Variants in EBF1 observed in about 807,000 individuals in gnomAD.
The protein encoded by EBF1 is EBF transcription factor 1.
Under a neutral mutation model 68.4 loss-of-function variants are expected in EBF1, and 10 were observed. The ratio of observed to expected loss-of-function variants is 0.15; its 90% confidence interval spans 0.09 to 0.25. EBF1 has a LOEUF of 0.25. Ranked by LOEUF, EBF1 falls within the 10% of genes least tolerant of loss-of-function variation. The probability of loss-of-function intolerance (pLI) is 1.00; values close to 1 mark genes in which losing one functional copy is unlikely to be tolerated. For missense variants in EBF1, 509 were observed against 794.4 expected (o/e 0.64, Z 4.32); for synonymous variants, 298 against 299.8 (o/e 0.99, Z 0.06).
rs1185972061 is a variant in EBF1 at position 158,714,021 on chromosome 5, CT to C, written c.1191+95del. ...TTATACTCTTAACTCATGCACATGGCTTTTATATTGTTTGTGCTTTCTCATT... is the reference window on the plus strand; with the variant it reads ...TTATACTCTTAACTCATGCACATGGCTTTATATTGTTTGTGCTTTCTCATT... On this transcript the variant is annotated intron_variant, in intron 12 of 15. Coordinates refer to ENST00000313708, the MANE Select transcript of EBF1 (RefSeq NM_024007.5). The C allele has an allele frequency of 3.8e-6, 5 of 1,321,270 alleles. No homozygotes were observed. The Admixed American group carries it at 5.2e-5, about 14-fold the overall frequency. The allele number at this position is 1,321,270 out of a possible 1,614,324, so 81.8% of individuals were successfully genotyped here. A position where few individuals can be genotyped will look rare whatever the true frequency, so the allele number is the denominator to read the frequency against.
At chr5:158,847,407 T>C (rs1210295802) in intron 6 of EBF1, among the ~76,000 whole-genome samples, 2 of 152,044 alleles carry the variant, frequency 1.3e-5, no homozygotes, top group Non-Finnish European at 2.9e-5. Flanking sequence ...CAGTTGCCAA[T>C]GGGGAAAGAA....
intron 14 of EBF1, among the ~76,000 whole-genome samples, chr5:158,711,187 A>G (rs1367283575): frequency 6.6e-6 from 1 of 152,222 alleles, no homozygotes. Flanking sequence ...TACACCAAAC[A>G]CAAACAAAGG....
chr5:158,781,565 C>A (rs1408299499), intron 9 of EBF1, among the ~76,000 whole-genome samples: 1 of 152,156 alleles, frequency 6.6e-6, no homozygotes, highest in East Asian at 1.9e-4. Context: ...CTAAATTTAT[C>A]ATCTTACTAC....
intron 6 of EBF1, among the ~76,000 whole-genome samples, chr5:158,869,300 C>T (rs965085112): frequency 1.1e-4 from 16 of 152,094 alleles, no homozygotes; most frequent in African/African-American, 3.9e-4. Flanking sequence ...GGGAATAGAA[C>T]AATTTGCATA....
intron 6 of EBF1, among the ~76,000 whole-genome samples, chr5:158,993,882 A>T (rs1033039547): frequency 6.6e-6 from 1 of 152,238 alleles, no homozygotes; most frequent in Non-Finnish European, 1.5e-5. Context: ...ATTCCAGTCC[A>T]ACTGGGGAGG....
chr5:158,858,763 A>T (rs1031274888), intron 6 of EBF1, among the ~76,000 whole-genome samples: 1 of 152,250 alleles, frequency 6.6e-6, no homozygotes, highest in African/African-American at 2.4e-5. Context: ...ACATCAAGGC[A>T]GCCTGCTCCA....
At chr5:158,824,465 T>A (rs1785577530) in intron 7 of EBF1, among the ~76,000 whole-genome samples, 1 of 152,248 alleles carries the variant, frequency 6.6e-6, no homozygotes, top group Non-Finnish European at 1.5e-5. Flanking sequence ...AGATCTGCTC[T>A]CATAATGAGG....
chr5:158,792,588 G>C (rs556167868), intron 9 of EBF1, among the ~76,000 whole-genome samples: 1 of 152,204 alleles, frequency 6.6e-6, no homozygotes, highest in South Asian at 2.1e-4. Context: ...CCTGCTTCCT[G>C]GGTGTGTTGG....
intron 6 of EBF1, among the ~76,000 whole-genome samples, chr5:159,019,441 G>A (rs114486433): frequency 0.019 from 2,949 of 152,244 alleles, 45 homozygotes; most frequent in Non-Finnish European, 0.031. Flanking sequence ...TGAAAAATAA[G>A]TAATAATTTA....
chr5:158,912,463 G>A lies in EBF1; in HGVS notation c.555-72353C>T, dbSNP rs562791871. Among the ~76,000 whole-genome samples the A allele has an allele frequency of 1.0e-3, 153 of 152,192 alleles. 1 individual carries two copies. The highest frequency in any genetic ancestry group is 1.6e-3 in the Non-Finnish European group (109 of 68,012). ...AGAGCACTTAACATACGGTGTACCC[G>A]TCCCTTCTAAATTTGCTGGATCATA... On this transcript the variant is annotated intron_variant, in intron 6 of 15. Coordinates refer to ENST00000313708, the MANE Select transcript of EBF1 (RefSeq NM_024007.5).
chr5:158,698,916 A>C lies in EBF1; in HGVS notation c.*195T>G, dbSNP rs923155118. 14 of 470,284 alleles carry C rather than the reference A, an allele frequency of 3.0e-5. No homozygotes were observed. Among genetic ancestry groups the C allele is most frequent in the Non-Finnish European group, 4.2e-5 (11 of 265,030 alleles). 29.1% of individuals were successfully genotyped at this position (470,284 alleles called of 1,614,324 possible). A position where few individuals can be genotyped will look rare whatever the true frequency, so the allele number is the denominator to read the frequency against. ...CTTGGGAGGTACAACTTTAACCAAC[A>C]CCCTGCACTTGCAGATCCCTCTTCC... On this transcript the variant is annotated 3_prime_UTR_variant, in exon 16 of 16. Transcript: ENST00000313708.
chr5:158,819,727 C>G (rs367824129), intron 8 of EBF1, among the ~76,000 whole-genome samples: 1 of 152,146 alleles, frequency 6.6e-6, no homozygotes, highest in East Asian at 1.9e-4. Context: ...TTTGAGGCTG[C>G]CTGTCTCCAC....
intron 14 of EBF1, among the ~76,000 whole-genome samples, chr5:158,709,016 G>A (rs559190129): frequency 8.3e-4 from 127 of 152,270 alleles, no homozygotes; most frequent in African/African-American, 2.7e-3. Flanking sequence ...CTCGGTAGAC[G>A]TACATTCTCT....
intron 6 of EBF1, among the ~76,000 whole-genome samples, chr5:158,906,883 G>C (rs1365892630): frequency 2.6e-5 from 4 of 152,210 alleles, no homozygotes; most frequent in Admixed American, 2.6e-4. Context: ...TTGTTGACCA[G>C]GGAGATAAGA....
At chr5:158,912,947 C>A (rs1003647076) in intron 6 of EBF1, among the ~76,000 whole-genome samples, 1 of 152,208 alleles carries the variant, frequency 6.6e-6, no homozygotes, top group African/African-American at 2.4e-5. Flanking sequence ...AGGATGCCTG[C>A]CTATCCAGGA....
rs1561791964 is a variant in EBF1 at position 158,739,532 on chromosome 5, G to GT, written c.1037-8376dup. On this transcript the variant is annotated intron_variant, in intron 10 of 15. Transcript: ENST00000313708. ...ACCTTTCAATCTTTTTCATTTGGGT[G>GT]TTTTTTTAATTTGGATCATTCACGA... Among the ~76,000 whole-genome samples, 3 of 152,168 alleles carry GT rather than the reference G, an allele frequency of 2.0e-5. No individual in the cohort carries two copies. In the South Asian group the frequency reaches 6.2e-4, roughly 32 times the overall value.
intron 15 of EBF1, among the ~76,000 whole-genome samples, chr5:158,706,343 C>A (rs1757877951): frequency 6.6e-6 from 1 of 151,998 alleles, no homozygotes; most frequent in South Asian, 2.1e-4. Context: ...GAAGAGTCCT[C>A]CTGGAGGCAG....
chr5:158,871,930 G>T (rs1342794196), intron 6 of EBF1, among the ~76,000 whole-genome samples: 1 of 152,202 alleles, frequency 6.6e-6, no homozygotes, highest in Non-Finnish European at 1.5e-5. Context: ...GGTCCAATGG[G>T]ATCAAAGCCT....
At chr5:158,914,401 G>A (rs1393813721) in intron 6 of EBF1, among the ~76,000 whole-genome samples, 2 of 152,140 alleles carry the variant, frequency 1.3e-5, no homozygotes, top group Non-Finnish European at 2.9e-5. Context: ...TTCACTGGAG[G>A]GGAAAGGTTC....
Sources: allele counts gnomAD v4.1 joint callset (sites outside exome capture counted in the v4.1 genomes callset), GRCh38; gene constraint gnomAD v4.1.1; transcripts MANE v1.5; gene names NCBI Gene and HGNC (gene_info 2026-07-23, HGNC 2026-07-21).